AGPAT3: variants seen among roughly 807,000 people sequenced by gnomAD.
AGPAT3 encodes 1-acylglycerol-3-phosphate O-acyltransferase 3, also known as 1-acyl-sn-glycerol-3-phosphate acyltransferase gamma.
In AGPAT3, 5 loss-of-function variants were observed where a neutral mutation model predicts 47.3. That is an observed-to-expected ratio of 0.11 (90% CI 0.06 to 0.22). The LOEUF is 0.22. Ranked by LOEUF, AGPAT3 falls within the 10% of genes least tolerant of loss-of-function variation. The probability of loss-of-function intolerance (pLI) is 1.00; values close to 1 mark genes in which losing one functional copy is unlikely to be tolerated. For synonymous variants in AGPAT3, 212 were observed against 208.3 expected, an observed-to-expected ratio of 1.02 and a Z score of -0.15; for missense variants, 315 against 493.0, an observed-to-expected ratio of 0.64 and a Z score of 3.42.
chr21:43,922,563 G>A lies in AGPAT3; in HGVS notation c.-49+18544G>A, dbSNP rs1056613522. Among the ~76,000 whole-genome samples the A allele has an allele frequency of 6.6e-6, 1 of 152,190 alleles. No homozygotes were observed. Among genetic ancestry groups the A allele is most frequent in the East Asian group, 1.9e-4 (1 of 5,190 alleles). ...CCTGGAAGAGAGGCCTGCATGGCAG[G>A]GGGCACAGAGACTCTGGGCCTGGGT... On this transcript the variant is annotated intron_variant, in intron 2 of 9. Coordinates refer to ENST00000291572, the MANE Select transcript of AGPAT3 (RefSeq NM_020132.5). This position sits in a 1 kb window ranked among gnomAD's most constrained non-coding sequence, Gnocchi z 4.9.
intron 1 of AGPAT3, among the ~76,000 whole-genome samples, chr21:43,890,276 G>A (rs924104371): frequency 3.3e-5 from 5 of 152,248 alleles, no homozygotes; most frequent in Admixed American, 3.3e-4. Flanking sequence ...GAGACCGCGC[G>A]TCTGCTTCCC....
intron 4 of AGPAT3, 21 bp from the exon 5 acceptor site, chr21:43,969,097 C>T (rs1413587429): frequency 1.2e-6 from 2 of 1,613,226 alleles, no homozygotes; most frequent in South Asian, 1.1e-5. Flanking sequence ...TGCCAGGTGC[C>T]CCTCCTTCTC....
Position 43,982,430 on chromosome 21 carries a change from G to A in AGPAT3, c.*38G>A, listed in dbSNP as rs758451095. 2 of 1,485,288 alleles carry A rather than the reference G, an allele frequency of 1.3e-6. No homozygotes were observed. Among genetic ancestry groups the A allele is most frequent in the South Asian group, 2.3e-5 (2 of 87,446 alleles). The allele number at this position is 1,485,288 out of a possible 1,614,324, so 92.0% of individuals were successfully genotyped here. A position where few individuals can be genotyped will look rare whatever the true frequency, so the allele number is the denominator to read the frequency against. Reference sequence around the variant, plus strand: ...ACTGAACACACGCGGCCCTGACGGTGGTATCCAGTTAACTCAAAACCAACA... The same window carrying A: ...ACTGAACACACGCGGCCCTGACGGTAGTATCCAGTTAACTCAAAACCAACA... On this transcript the variant is annotated 3_prime_UTR_variant, in exon 10 of 10. Transcript: ENST00000291572. The surrounding 1 kb of genome is among the most constrained non-coding windows in gnomAD (Gnocchi z 6.2).
At chr21:43,876,102 A>T (rs1415476277) in intron 1 of AGPAT3, among the ~76,000 whole-genome samples, 2 of 151,208 alleles carry the variant, frequency 1.3e-5, no homozygotes, top group African/African-American at 4.9e-5. Context: ...TTTAATTTTC[A>T]TTTTTTTAAT....
rs555409890 is a variant in AGPAT3, at chr21:43,938,872, C to T, written c.-48-20762C>T. Among the ~76,000 whole-genome samples the T allele has an allele frequency of 2.6e-5, 4 of 152,324 alleles. No individual in the cohort carries two copies. The South Asian group carries it at 6.2e-4, about 24-fold the overall frequency. ...TCAATGTGTTGGCCGGGGATGCAGTCACCTGAAGCCTTGTGGGGGGAAGGA... is the reference window on the plus strand; with the variant it reads ...TCAATGTGTTGGCCGGGGATGCAGTTACCTGAAGCCTTGTGGGGGGAAGGA... On this transcript the variant is annotated intron_variant, in intron 2 of 9. Transcript: ENST00000291572.
chr21:43,915,560 C>T (rs1165738331), intron 2 of AGPAT3, among the ~76,000 whole-genome samples: 1 of 151,122 alleles, frequency 6.6e-6, no homozygotes, highest in East Asian at 1.9e-4. Flanking sequence ...TACAGGCATG[C>T]ACCACCATGC....
rs2030409079 is a variant in AGPAT3, at chr21:43,987,536, G to T, written c.*5144G>T. On this transcript the variant is annotated 3_prime_UTR_variant, in exon 10 of 10. Coordinates refer to ENST00000291572, the MANE Select transcript of AGPAT3 (RefSeq NM_020132.5). ...ACATTCATCTGTGGAGAAAACCAAG[G>T]AACCCCTTTCTCTTCTTTATTAAAA... 6.6e-6 allele frequency among the ~76,000 whole-genome samples: 1 copy of T among 152,182 alleles called. No homozygotes were observed. Among genetic ancestry groups the T allele is most frequent in the Non-Finnish European group, 1.5e-5 (1 of 68,044 alleles).
At chr21:43,886,570 A>T (rs1400354772) in intron 1 of AGPAT3, among the ~76,000 whole-genome samples, 6 of 152,074 alleles carry the variant, frequency 3.9e-5, no homozygotes, top group African/African-American at 1.2e-4. Context: ...GGCCTTATTC[A>T]TTCTTTCTAA....
At chr21:43,963,673 A>G (rs1395766846) in intron 3 of AGPAT3, among the ~76,000 whole-genome samples, 1 of 143,180 alleles carries the variant, frequency 7.0e-6, no homozygotes, top group Non-Finnish European at 1.5e-5. Flanking sequence ...GCATCACTGC[A>G]CTCCAGCCTG....
At chr21:43,971,132 GGGTCACACTC>G (rs2089375856) in intron 6 of AGPAT3, among the ~76,000 whole-genome samples, 1 of 152,206 alleles carries the variant, frequency 6.6e-6, no homozygotes, top group Non-Finnish European at 1.5e-5. Context: ...CCAGACAGCA[GGGTCACACTC>G]ACAGCGTCAG....
Position 43,981,350 on chromosome 21 carries a change from CT to C in AGPAT3, c.1042+164del. The C allele has an allele frequency of 1.3e-6, 1 of 777,976 alleles. No homozygotes were observed. The highest frequency in any genetic ancestry group is 2.1e-6 in the Non-Finnish European group (1 of 483,728). 48.2% of individuals were successfully genotyped at this position (777,976 alleles called of 1,614,324 possible). A position where few individuals can be genotyped will look rare whatever the true frequency, so the allele number is the denominator to read the frequency against. On this transcript the variant is annotated intron_variant, in intron 9 of 9. Coordinates refer to ENST00000291572, the MANE Select transcript of AGPAT3 (RefSeq NM_020132.5). This position sits in a 1 kb window ranked among gnomAD's most constrained non-coding sequence, Gnocchi z 5.3. ...CCCCACGGCCTGCGGGCCTCAGAGC[CT>C]GGATTCTTGCACTGAGCTGAGGGTC... is the stretch of plus-strand genomic sequence containing the variant.
chr21:43,913,934 A>T (rs2086679310), intron 2 of AGPAT3, among the ~76,000 whole-genome samples: 1 of 152,280 alleles, frequency 6.6e-6, no homozygotes, highest in Admixed American at 6.5e-5. Flanking sequence ...AGTCCAATGC[A>T]TACAAAAAAG....
chr21:43,866,861 C>G (rs1404986647), intron 1 of AGPAT3, among the ~76,000 whole-genome samples: 1 of 152,198 alleles, frequency 6.6e-6, no homozygotes, highest in African/African-American at 2.4e-5. Context: ...GCCAGGGGGA[C>G]GCGCTGCAGC....
chr21:43,933,115 A>C lies in AGPAT3; in HGVS notation c.-48-26519A>C, dbSNP rs140443551. Among the ~76,000 whole-genome samples, 2 of 152,308 alleles carry C rather than the reference A, an allele frequency of 1.3e-5. No homozygotes were observed. The highest frequency in any genetic ancestry group is 3.9e-4 in the East Asian group (2 of 5,194). On this transcript the variant is annotated intron_variant, in intron 2 of 9. Transcript: ENST00000291572. The surrounding 1 kb of genome is among the most constrained non-coding windows in gnomAD (Gnocchi z 6.0). ...GATAATAGCCAACTGAACGGCATGA[A>C]ATGACACCTCCCTGTGGCTTCGATT...
rs373501332 is a variant in AGPAT3 at position 43,939,587 on chromosome 21, G to A, written c.-48-20047G>A. 3.3e-5 allele frequency among the ~76,000 whole-genome samples: 5 copies of A among 152,296 alleles called. No homozygotes were observed. Among genetic ancestry groups the A allele is most frequent in the East Asian group, 1.9e-4 (1 of 5,184 alleles). On this transcript the variant is annotated intron_variant, in intron 2 of 9. Transcript: ENST00000291572. This position sits in a 1 kb window ranked among gnomAD's most constrained non-coding sequence, Gnocchi z 4.4. The stretch of plus-strand genomic sequence containing the variant: ...CTTGCTGCAGTTTGGAGAGAGTGTC[G>A]CGGGCGCCTGGCCTGTCCGGCAGGC...
At chr21:43,938,861 G>A (rs1041705551) in intron 2 of AGPAT3, among the ~76,000 whole-genome samples, 3 of 152,192 alleles carry the variant, frequency 2.0e-5, no homozygotes, top group South Asian at 4.1e-4. Flanking sequence ...TGTGTTGGCC[G>A]GGGATGCAGT....
chr21:43,962,218 G>T (rs563892844), intron 3 of AGPAT3, among the ~76,000 whole-genome samples: 35 of 152,148 alleles, frequency 2.3e-4, no homozygotes, highest in African/African-American at 8.0e-4. Flanking sequence ...TAGCCAGGAT[G>T]GTTTTGATCT....
chr21:43,979,247 C>A (rs1347947288), intron 8 of AGPAT3, among the ~76,000 whole-genome samples: 1 of 130,696 alleles, frequency 7.7e-6, no homozygotes, highest in Non-Finnish European at 1.5e-5. Flanking sequence ...TTGCAGGAGC[C>A]AGGATCGCCC....
intron 2 of AGPAT3, among the ~76,000 whole-genome samples, chr21:43,931,351 T>G (rs183974217): frequency 3.9e-5 from 6 of 152,202 alleles, no homozygotes; most frequent in African/African-American, 1.4e-4. Flanking sequence ...AGAAAGATTT[T>G]ATTGACATCC....
Sources: gnomAD v4.1 joint callset for allele counts (sites outside exome capture counted in the v4.1 genomes callset) on GRCh38, gnomAD v4.1.1 for gene constraint, Gnocchi (gnomAD v3.1) non-coding constraint, MANE v1.5 for transcripts, NCBI Gene and HGNC (gene_info 2026-07-23, HGNC 2026-07-21) for gene names.